The following SHISA5 variants were observed in gnomAD, a reference collection of about 807,000 sequenced individuals.
The protein encoded by SHISA5 is protein shisa-5.
Under a neutral mutation model 27.5 loss-of-function variants are expected in SHISA5, and 21 were observed. The observed-to-expected ratio is 0.76, with a 90% CI of 0.54 to 1.10. SHISA5 has a LOEUF of 1.10. Among genes scored for constraint, SHISA5 ranks in the 50% least tolerant of loss-of-function variants. The pLI, the probability that SHISA5 is intolerant of heterozygous loss-of-function variation, is 0.00. For synonymous variants in SHISA5, 137 were observed against 142.2 expected (o/e 0.96, Z 0.26); for missense variants, 314 against 336.3 (o/e 0.93, Z 0.52).
chr3:48,472,216 A>G (rs2040655094), intron 3 of SHISA5, among the ~76,000 whole-genome samples: 1 of 151,276 alleles, frequency 6.6e-6, no homozygotes, highest in Admixed American at 6.6e-5. Context: ...GGCCAGGCGC[A>G]GTGGTTCATG....
At chr3:48,477,926 G>A (rs933094606) in intron 3 of SHISA5, among the ~76,000 whole-genome samples, 7 of 152,144 alleles carry the variant, frequency 4.6e-5, no homozygotes, top group Non-Finnish European at 7.3e-5. Context: ...CTACAGAAAC[G>A]ACTTCCCACC....
intron 2 of SHISA5, among the ~76,000 whole-genome samples, chr3:48,496,669 G>C (rs952286885): frequency 6.6e-6 from 1 of 151,944 alleles, no homozygotes; most frequent in Non-Finnish European, 1.5e-5. Context: ...GGGAGGCAGA[G>C]GTTGCAGTAA....
rs1267430352 is a variant in SHISA5, at chr3:48,468,093, T to G, written c.*1014A>C. Reference sequence around the variant, plus strand: ...TCCCTGCTGCCAGAACACCGTGGACTGGGGTACAGGAGTTGTTGCATATTC... The same window carrying G: ...TCCCTGCTGCCAGAACACCGTGGACGGGGGTACAGGAGTTGTTGCATATTC... On this transcript the variant is annotated 3_prime_UTR_variant, in exon 6 of 6. Transcript: ENST00000296444. 1.0e-6 allele frequency: 1 copy of G among 958,624 alleles called. No homozygotes were observed. The highest frequency in any genetic ancestry group is 1.3e-6 in the Non-Finnish European group (1 of 794,480). The allele number at this position is 958,624 out of a possible 1,614,324, so 59.4% of individuals were successfully genotyped here. A position where few individuals can be genotyped will look rare whatever the true frequency, so the allele number is the denominator to read the frequency against.
chr3:48,504,417 G>A (rs1029305458), upstream of SHISA5: 1 of 255,090 alleles, frequency 3.9e-6, no homozygotes, highest in African/African-American at 2.2e-5. This position sits in a 1 kb window ranked among gnomAD's most constrained non-coding sequence, Gnocchi z 4.0. Context: ...GTTTCCTTCT[G>A]CTCACCGGAT....
intron 3 of SHISA5, among the ~76,000 whole-genome samples, chr3:48,478,163 G>A (rs1045933775): frequency 2.0e-5 from 3 of 152,206 alleles, no homozygotes; most frequent in African/African-American, 4.8e-5. Context: ...CAGGACAGCC[G>A]CTCCTGGGCT....
chr3:48,469,183 C>A lies in SHISA5; in HGVS notation c.647G>T (p.Gly216Val), dbSNP rs774585802. ...PPAYHETLAG[G>V]AAAPYPASQP... ...GCTGGCGGGGTAGGGCGCGGCTGCT[C>A]CTCCTGAAAGCAGAGAGGACCCTGG... The change falls in exon 6 of 6, where the codon GGA becomes GTA. Residue 216 changes from glycine (G) to valine (V), a missense_variant. Physicochemically the swap from Gly to Val is moderately radical, Grantham distance 109. Coordinates refer to ENST00000296444, the MANE Select transcript of SHISA5 (RefSeq NM_016479.6). The surrounding 1 kb of genome is among the most constrained non-coding windows in gnomAD (Gnocchi z 4.6). 6.2e-7 allele frequency: 1 copy of A among 1,611,948 alleles called. No homozygotes were observed. Among genetic ancestry groups the A allele is most frequent in the South Asian group, 1.1e-5 (1 of 91,030 alleles).
At chr3:48,476,717 T>TG (rs1464504723) in intron 3 of SHISA5, 1 of 163,274 alleles carries the variant, frequency 6.1e-6, no homozygotes, top group Non-Finnish European at 1.3e-5. Context: ...CTTTGGCTCC[T>TG]GCACCTTTAT....
At chr3:48,488,982 G>A (rs2041338300) in intron 2 of SHISA5, among the ~76,000 whole-genome samples, 1 of 152,110 alleles carries the variant, frequency 6.6e-6, no homozygotes, top group Admixed American at 6.6e-5. Flanking sequence ...AGATTAGAAT[G>A]GGTATGAATC....
chr3:48,468,385 G>A lies in SHISA5; in HGVS notation c.*722C>T, dbSNP rs2040437279. On this transcript the variant is annotated 3_prime_UTR_variant, in exon 6 of 6. Transcript: ENST00000296444. ...CCCTGGGGGCAGCTAGGCTGTGTGT[G>A]CATGTGGCCCTCCAGCTGGTCCCAG... The A allele has an allele frequency of 9.1e-7, 1 of 1,093,726 alleles. No homozygotes were observed. Among genetic ancestry groups the A allele is most frequent in the Non-Finnish European group, 1.1e-6 (1 of 893,078 alleles). 67.8% of individuals were successfully genotyped at this position (1,093,726 alleles called of 1,614,324 possible). A position where few individuals can be genotyped will look rare whatever the true frequency, so the allele number is the denominator to read the frequency against.
chr3:48,486,277 A>AT (rs2041223223), intron 2 of SHISA5, among the ~76,000 whole-genome samples: 1 of 442 alleles, frequency 2.3e-3, no homozygotes, highest in Non-Finnish European at 0.01. Flanking sequence ...TATGTTATAT[A>AT]ACATATAATG....
In SHISA5 at chr3:48,479,479, G is replaced by T. The variant is rs567568544; in HGVS notation, c.234-222C>A. Reference sequence around the variant, plus strand: ...GTCTCCAGGAGAGAACATATGTTAGGCCACAAAACAAGTCTCAGCAGATTT... The same window carrying T: ...GTCTCCAGGAGAGAACATATGTTAGTCCACAAAACAAGTCTCAGCAGATTT... On this transcript the variant is annotated intron_variant, in intron 2 of 5. Coordinates refer to ENST00000296444, the MANE Select transcript of SHISA5 (RefSeq NM_016479.6). 5.6e-4 allele frequency: 308 copies of T among 549,956 alleles called. 1 individual carries two copies. Among genetic ancestry groups the T allele is most frequent in the South Asian group, 2.0e-3 (81 of 40,120 alleles). 34.1% of individuals were successfully genotyped at this position (549,956 alleles called of 1,614,324 possible).
chr3:48,496,360 G>T (rs1337687331), intron 2 of SHISA5, among the ~76,000 whole-genome samples: 6 of 151,972 alleles, frequency 3.9e-5, no homozygotes, highest in African/African-American at 1.5e-4. Flanking sequence ...TTGGGAGGCC[G>T]AGGCAGGTGG....
chr3:48,488,417 T>C (rs892211209), intron 2 of SHISA5, among the ~76,000 whole-genome samples: 11 of 151,410 alleles, frequency 7.3e-5, no homozygotes, highest in African/African-American at 2.2e-4. Context: ...TTAGTAGAGA[T>C]GGGGTTTCAC....
chr3:48,471,780 AG>A (rs1317905010), intron 3 of SHISA5, among the ~76,000 whole-genome samples: 9 of 152,052 alleles, frequency 5.9e-5, no homozygotes, highest in Non-Finnish European at 1.0e-4. Context: ...TGGGAGGCTA[AG>A]GCAGGAGAAT....
chr3:48,498,857 G>A (rs2041660892), intron 2 of SHISA5, among the ~76,000 whole-genome samples: 2 of 151,366 alleles, frequency 1.3e-5, no homozygotes, highest in African/African-American at 4.9e-5. Flanking sequence ...CGAGGCAGGA[G>A]GATCACCTGA....
chr3:48,478,284 C>A (rs1426553841), intron 3 of SHISA5, among the ~76,000 whole-genome samples: 2 of 152,188 alleles, frequency 1.3e-5, no homozygotes, highest in Non-Finnish European at 1.5e-5. Context: ...AGGAGCCCTG[C>A]CCTGATTCTG....
intron 1 of SHISA5, chr3:48,502,485 T>C (rs779712949): frequency 2.3e-6 from 1 of 436,892 alleles, no homozygotes; most frequent in South Asian, 1.6e-5. Flanking sequence ...AGCACAGAGT[T>C]GGGATCTACT....
In SHISA5 at chr3:48,501,124, C is replaced by T. The variant is rs538714881; in HGVS notation, c.233+13G>A. On this transcript the variant is annotated intron_variant, in intron 2 of 5. Transcript: ENST00000296444. ...CTCAAGCCACCCACCCTGTGACCCA[C>T]TGGTGCACCCACCTGGCCTCAGGCA... The T allele has an allele frequency of 3.2e-5, 51 of 1,605,966 alleles. No homozygotes were observed. In the Admixed American group the frequency reaches 6.5e-4, roughly 20 times the overall value.
rs1212088512 is a variant in SHISA5, at chr3:48,479,268, G to A, written c.234-11C>T. 1.9e-6 allele frequency: 3 copies of A among 1,600,830 alleles called. No individual in the cohort carries two copies. Among genetic ancestry groups the A allele is most frequent in the Non-Finnish European group, 2.5e-6 (3 of 1,176,886 alleles). ...ACACTGGCAGGCACGCTGCAAACAG[G>A]AAACCTTGTGATTAGCACAATGAAG... is the stretch of plus-strand genomic sequence containing the variant. On this transcript the variant is annotated splice_polypyrimidine_tract_variant and intron_variant, in intron 2 of 5. Transcript: ENST00000296444.
Sources: allele counts gnomAD v4.1 joint callset (sites outside exome capture counted in the v4.1 genomes callset), GRCh38; gene constraint gnomAD v4.1.1; non-coding constraint Gnocchi (gnomAD v3.1); transcripts MANE v1.5; gene names NCBI Gene and HGNC (gene_info 2026-07-23, HGNC 2026-07-21).